PTPRN2: variants seen among roughly 807,000 people sequenced by gnomAD.
The protein encoded by PTPRN2 is protein tyrosine phosphatase receptor type N2.
Under a neutral mutation model 118.8 loss-of-function variants are expected in PTPRN2, and 74 were observed. The observed-to-expected ratio is 0.62, with a 90% CI of 0.52 to 0.76. The LOEUF (loss-of-function observed/expected upper bound fraction) is 0.76. Ranked by LOEUF, PTPRN2 falls within the 30% of genes least tolerant of loss-of-function variation. The pLI, the probability that PTPRN2 is intolerant of heterozygous loss-of-function variation, is 0.00. For synonymous variants in PTPRN2, 641 were observed against 608.0 expected, an observed-to-expected ratio of 1.05 and a Z score of -0.80; for missense variants, 1,481 against 1,394.4, an observed-to-expected ratio of 1.06 and a Z score of -0.99.
In PTPRN2 at chr7:158,555,347, G is replaced by A. The variant is rs1051516864; in HGVS notation, c.112+32211C>T. Among the ~76,000 whole-genome samples, 2 of 152,100 alleles carry A rather than the reference G, an allele frequency of 1.3e-5. No homozygotes were observed. The highest frequency in any genetic ancestry group is 2.9e-5 in the Non-Finnish European group (2 of 68,022). ...AGAAGGCGGCACCAAGCCCAGCGTC[G>A]AACGAAGCAGGTCCTTCTCCCTTCA... is the stretch of plus-strand genomic sequence containing the variant. On this transcript the variant is annotated intron_variant, in intron 1 of 22. Coordinates refer to ENST00000389418, the MANE Select transcript of PTPRN2 (RefSeq NM_002847.5). This position sits in a 1 kb window ranked among gnomAD's most constrained non-coding sequence, Gnocchi z 4.7.
intron 1 of PTPRN2, among the ~76,000 whole-genome samples, chr7:158,499,819 A>G (rs567997051): frequency 1.4e-5 from 2 of 145,654 alleles, no homozygotes; most frequent in South Asian, 2.4e-4. Context: ...ATATATATAT[A>G]TACACACACC....
chr7:157,897,380 C>T lies in PTPRN2; in HGVS notation c.1788+1293G>A, dbSNP rs1003329259. 1.8e-4 allele frequency among the ~76,000 whole-genome samples: 28 copies of T among 152,310 alleles called. 1 individual carries two copies. The highest frequency in any genetic ancestry group is 6.5e-5 in the Admixed American group (1 of 15,302). On this transcript the variant is annotated intron_variant, in intron 12 of 22. Transcript: ENST00000389418. Reference sequence around the variant, plus strand: ...CCTTCCGTGGGATGCAGGTGGCTCTCGGCAGCCCCCAAGACTCTTGGCTTC... The same window carrying T: ...CCTTCCGTGGGATGCAGGTGGCTCTTGGCAGCCCCCAAGACTCTTGGCTTC...
intron 2 of PTPRN2, among the ~76,000 whole-genome samples, chr7:158,332,813 G>A (rs370823089): frequency 8.4e-3 from 1,005 of 119,884 alleles, no homozygotes; most frequent in African/African-American, 0.033. Context: ...CGTCACTCAC[G>A]TACACACTTC....
At chr7:158,030,857 CT>C in intron 11 of PTPRN2, 1 of 152,318 alleles carries the variant, frequency 6.6e-6, no homozygotes. Context: ...GCCTTGGGCA[CT>C]GCACGCGCCA....
At chr7:158,374,614 C>A (rs974841625) in intron 2 of PTPRN2, among the ~76,000 whole-genome samples, 2 of 152,114 alleles carry the variant, frequency 1.3e-5, no homozygotes, top group African/African-American at 4.8e-5. Flanking sequence ...TGAAACATGG[C>A]GCATCCACTC....
In PTPRN2 at chr7:158,211,384, T is replaced by C. The variant is rs997658237; in HGVS notation, c.278-6111A>G. Among the ~76,000 whole-genome samples, 3 of 151,996 alleles carry C rather than the reference T, an allele frequency of 2.0e-5. No individual in the cohort carries two copies. In the East Asian group the frequency reaches 5.8e-4, roughly 29 times the overall value. ...TGGGATCACATCAAGTGAAAAAACCTCTGCACAGCAAAGGAAACAATCAAC... is the reference window on the plus strand; with the variant it reads ...TGGGATCACATCAAGTGAAAAAACCCCTGCACAGCAAAGGAAACAATCAAC... On this transcript the variant is annotated intron_variant, in intron 3 of 22. Coordinates refer to ENST00000389418, the MANE Select transcript of PTPRN2 (RefSeq NM_002847.5).
chr7:158,180,732 G>A (rs1400964045), intron 5 of PTPRN2, among the ~76,000 whole-genome samples: 1 of 152,120 alleles, frequency 6.6e-6, no homozygotes, highest in Non-Finnish European at 1.5e-5. Flanking sequence ...TTCTTGATTT[G>A]ATTCTCAGCT....
chr7:158,319,175 A>T (rs1054852201), intron 2 of PTPRN2, among the ~76,000 whole-genome samples: 2 of 152,362 alleles, frequency 1.3e-5, no homozygotes, highest in South Asian at 2.1e-4. Flanking sequence ...TTTTAAAATC[A>T]GTTTTAGCTA....
chr7:158,414,907 C>T (rs951945140), intron 2 of PTPRN2, among the ~76,000 whole-genome samples: 4 of 152,202 alleles, frequency 2.6e-5, no homozygotes, highest in Non-Finnish European at 5.9e-5. Context: ...GGTACCTCTG[C>T]CTGGGACAAA....
intron 12 of PTPRN2, among the ~76,000 whole-genome samples, chr7:157,731,551 T>G (rs1287990380): frequency 1.2e-5 from 1 of 84,418 alleles, no homozygotes; most frequent in Non-Finnish European, 3.1e-5. Context: ...CAGTTACCCT[T>G]TCCCGTCCCA....
intron 5 of PTPRN2, among the ~76,000 whole-genome samples, chr7:158,182,719 A>G (rs1225437119): frequency 1.3e-5 from 2 of 152,110 alleles, no homozygotes; most frequent in Non-Finnish European, 2.9e-5. Flanking sequence ...CATCTACTCT[A>G]TTTTGGAGAA....
chr7:157,626,818 T>G (rs1252200003), intron 14 of PTPRN2, among the ~76,000 whole-genome samples: 1 of 152,234 alleles, frequency 6.6e-6, no homozygotes, highest in Non-Finnish European at 1.5e-5. Context: ...AACACTGCCT[T>G]TGAATCTTCT....
At position 157,791,503 on chromosome 7, in the gene PTPRN2, G is replaced by A. The variant is rs574369770; in HGVS notation, c.1788+107170C>T. On this transcript the variant is annotated intron_variant, in intron 12 of 22. Transcript: ENST00000389418. ...TCCCGCCTCCACACGCCTGCCTGGC[G>A]CCAGCCTGCCTGTCCTCCCTGCACC... Among the ~76,000 whole-genome samples the A allele has an allele frequency of 4.6e-5, 7 of 152,104 alleles. No individual in the cohort carries two copies. In the South Asian group the frequency reaches 1.5e-3, roughly 32 times the overall value.
chr7:158,423,033 C>G (rs554294321), intron 2 of PTPRN2, among the ~76,000 whole-genome samples: 2 of 152,220 alleles, frequency 1.3e-5, no homozygotes, highest in Non-Finnish European at 1.5e-5. Flanking sequence ...CCGATAAACC[C>G]GAGACCACAG....
At chr7:157,708,319 T>A (rs1798435320) in intron 12 of PTPRN2, among the ~76,000 whole-genome samples, 1 of 152,236 alleles carries the variant, frequency 6.6e-6, no homozygotes. Flanking sequence ...GGTGCCACCC[T>A]GTGTCCCCTT....
At chr7:158,238,591 G>A (rs1490059465) in intron 3 of PTPRN2, among the ~76,000 whole-genome samples, 2 of 152,164 alleles carry the variant, frequency 1.3e-5, no homozygotes, top group Non-Finnish European at 2.9e-5. Flanking sequence ...ATTGCTCCAG[G>A]ATGCTTTACT....
At chr7:158,518,926 A>C (rs1458220341) in intron 1 of PTPRN2, among the ~76,000 whole-genome samples, 1 of 151,868 alleles carries the variant, frequency 6.6e-6, no homozygotes, top group Non-Finnish European at 1.5e-5. Context: ...TGGAGGTTGC[A>C]GTGAGCTGAG....
chr7:158,301,677 G>A (rs1188104680), intron 3 of PTPRN2, among the ~76,000 whole-genome samples: 1 of 152,184 alleles, frequency 6.6e-6, no homozygotes, highest in Non-Finnish European at 1.5e-5. Flanking sequence ...TGCTGGGCGT[G>A]GTGGCCCATT....
chr7:158,060,121 C>T (rs1810199183), intron 11 of PTPRN2, among the ~76,000 whole-genome samples: 2 of 114,122 alleles, frequency 1.8e-5, no homozygotes, highest in African/African-American at 4.3e-5. Context: ...AGCCACACTC[C>T]ATCTGCACAC....
Sources: gnomAD v4.1 joint callset for allele counts (sites outside exome capture counted in the v4.1 genomes callset) on GRCh38, gnomAD v4.1.1 for gene constraint, Gnocchi (gnomAD v3.1) non-coding constraint, MANE v1.5 for transcripts, NCBI Gene and HGNC (gene_info 2026-07-23, HGNC 2026-07-21) for gene names.